BEST1: variants seen among roughly 807,000 people sequenced by gnomAD.
BEST1 encodes bestrophin-1.
In BEST1, 58 loss-of-function variants were observed where a neutral mutation model predicts 63.3. The observed-to-expected ratio is 0.92, with a 90% CI of 0.74 to 1.14. The LOEUF is 1.14. BEST1 is among the 50% of genes most tolerant of loss of function. The pLI is 0.00. For synonymous variants in BEST1, 283 were observed against 291.6 expected, an observed-to-expected ratio of 0.97 and a Z score of 0.30; for missense variants, 671 against 740.1, an observed-to-expected ratio of 0.91 and a Z score of 1.08.
intron 3 of BEST1, 160 bp from the exon 4 acceptor site, chr11:61,955,557 GC>G: frequency 9.9e-7 from 1 of 1,013,318 alleles, no homozygotes; most frequent in Non-Finnish European, 1.4e-6. Flanking sequence ...TCCATGCGAG[GC>G]TCTGCCTGCC....
At chr11:61,959,165 A>G (rs1941760744) in intron 7 of BEST1, 1 of 394,112 alleles carries the variant, frequency 2.5e-6, no homozygotes, top group African/African-American at 2.1e-5. Flanking sequence ...GCTTCAGTAT[A>G]TATCTCTGTT....
Position 61,959,876 on chromosome 11 carries a change from T to A in BEST1, c.949-16T>A. ...GATGATCTTTCTGTGGGACTTCTTC[T>A]GTCCCTGGTGACCAGGTGTCCCTGT... is the stretch of plus-strand genomic sequence containing the variant. On this transcript the variant is annotated splice_polypyrimidine_tract_variant and intron_variant, in intron 8 of 10. Coordinates refer to ENST00000378043, the MANE Select transcript of BEST1 (RefSeq NM_004183.4). The A allele has an allele frequency of 6.2e-7, 1 of 1,613,624 alleles. No homozygotes were observed. The highest frequency in any genetic ancestry group is 8.5e-7 in the Non-Finnish European group (1 of 1,179,792).
chr11:61,959,372 T>C, intron 7 of BEST1, 126 bp from the exon 8 acceptor site: 1 of 908,570 alleles, frequency 1.1e-6, no homozygotes, highest in Non-Finnish European at 1.8e-6. Context: ...ACTCTGCCTT[T>C]GAAGACAGTG....
intron 7 of BEST1, chr11:61,958,803 C>T (rs1941686039): frequency 6.1e-6 from 2 of 329,326 alleles, no homozygotes; most frequent in Admixed American, 4.5e-5. Context: ...CACTCTCTCT[C>T]CCTTCCTACC....
intron 3 of BEST1, chr11:61,955,478 G>A: frequency 8.1e-7 from 1 of 1,237,160 alleles, no homozygotes; most frequent in Non-Finnish European, 1.1e-6. Flanking sequence ...GGGAGGGGAG[G>A]GGGTCTGGCG....
chr11:61,964,458 C>T lies in BEST1; in HGVS notation c.*336C>T, dbSNP rs1352812155. Reference sequence around the variant, plus strand: ...AATGAGTTTAATAAATACAAATACTCGTTTCTTTTTGATTAGTGTGATTAG... The same window carrying T: ...AATGAGTTTAATAAATACAAATACTTGTTTCTTTTTGATTAGTGTGATTAG... On this transcript the variant is annotated 3_prime_UTR_variant, in exon 11 of 11. Coordinates refer to ENST00000378043, the MANE Select transcript of BEST1 (RefSeq NM_004183.4). 8.2e-6 allele frequency: 5 copies of T among 612,536 alleles called. No individual in the cohort carries two copies. The highest frequency in any genetic ancestry group is 2.8e-5 in the East Asian group (1 of 35,568). The allele number at this position is 612,536 out of a possible 1,614,324, so 37.9% of individuals were successfully genotyped here.
chr11:61,955,128 A>G lies in BEST1; in HGVS notation c.174A>G (p.Gln58=). The change falls in exon 3 of 11, where the codon CAA becomes CAG. Residue 58 remains glutamine (Q), a synonymous_variant. Coordinates refer to ENST00000378043, the MANE Select transcript of BEST1 (RefSeq NM_004183.4). Reference sequence around the variant, plus strand: ...CCAGGCTGGCCCTCACGGAAGAACAACAGCTGATGTTTGAGAAACTGACTC... The same window carrying G: ...CCAGGCTGGCCCTCACGGAAGAACAGCAGCTGATGTTTGAGAAACTGACTC... ...FIYRLALTEE[Q]QLMFEKLTLY... 6.2e-7 allele frequency: 1 copy of G among 1,614,144 alleles called. No individual in the cohort carries two copies. The highest frequency in any genetic ancestry group is 8.5e-7 in the Non-Finnish European group (1 of 1,180,000).
chr11:61,958,415 C>G (rs1404176386), intron 7 of BEST1, 117 bp downstream of exon 7: 2 of 1,567,348 alleles, frequency 1.3e-6, no homozygotes, highest in Non-Finnish European at 1.7e-6. Flanking sequence ...TAGAAAGCAG[C>G]CAGGCGTGGT....
At chr11:61,957,309 C>T (rs1941477903) in intron 5 of BEST1, 78 bp from the exon 6 acceptor site, 1 of 1,335,528 alleles carries the variant, frequency 7.5e-7, no homozygotes, top group Admixed American at 1.7e-5. Context: ...GGCCCTGGTA[C>T]CTGGAGAAGA....
At chr11:61,950,243 T>C (rs972353), upstream of BEST1, 74,966 of 152,722 alleles carry the variant, frequency 0.49, 21,361 homozygotes, top group East Asian at 0.9. Flanking sequence ...AAGAAGGGAC[T>C]AAGACAAGGA....
chr11:61,963,258 G>A (rs577318374), intron 10 of BEST1: 23 of 1,376,234 alleles, frequency 1.7e-5, no homozygotes, highest in Middle Eastern at 2.4e-4. Context: ...AAGGGTGGCT[G>A]ACCCAAAACC....
At chr11:61,957,141 G>A (rs1941462258) in intron 5 of BEST1, 143 bp downstream of exon 5, 10 of 1,282,156 alleles carry the variant, frequency 7.8e-6, no homozygotes, top group Non-Finnish European at 1.1e-5. Flanking sequence ...TTTTCCAACA[G>A]CAATCCACAG....
chr11:61,965,339 A>T, downstream of BEST1: 1 of 1,612,506 alleles, frequency 6.2e-7, no homozygotes, highest in East Asian at 2.2e-5. Flanking sequence ...CAGATGATGA[A>T]GTATGACACC....
chr11:61,955,871 TG>T lies in BEST1; in HGVS notation c.404del (p.Gly135AlafsTer29). On this transcript the variant is annotated frameshift_variant, in exon 4 of 11. Coordinates refer to ENST00000378043, the MANE Select transcript of BEST1 (RefSeq NM_004183.4). LOFTEE classifies it high-confidence loss of function. ...CGCACGCTCATCCGCTACGCCAACCTGGGCAACGTGCTCATCCTGCGCAGCG... is the reference window on the plus strand; with the variant it reads ...CGCACGCTCATCCGCTACGCCAACCTGGCAACGTGCTCATCCTGCGCAGCG... ...LRRTLIRYANLGNVLILRSVS... is the reference protein window; with the variant it reads ...LRRTLIRYANXGNVLILRSVS... The T allele has an allele frequency of 6.4e-7, 1 of 1,550,600 alleles. No individual in the cohort carries two copies. The highest frequency in any genetic ancestry group is 8.7e-7 in the Non-Finnish European group (1 of 1,146,908).
chr11:61,960,219 T>A, intron 9 of BEST1, 176 bp downstream of exon 9: 1 of 903,766 alleles, frequency 1.1e-6, no homozygotes, highest in Non-Finnish European at 1.7e-6. Flanking sequence ...TGGTTTGTTA[T>A]CCCAAGTTTT....
Position 61,963,211 on chromosome 11 carries a change from G to A in BEST1, c.1739+318G>A, listed in dbSNP as rs1046729816. ...CAGGGCTGACAGGCCAGGCTTAGCTGAGCAGATGTTATCACTGGCCCCAAC... is the reference window on the plus strand; with the variant it reads ...CAGGGCTGACAGGCCAGGCTTAGCTAAGCAGATGTTATCACTGGCCCCAAC... On this transcript the variant is annotated intron_variant, in intron 10 of 10. Transcript: ENST00000378043. 2.8e-5 allele frequency: 40 copies of A among 1,415,320 alleles called. No homozygotes were observed. In the African/African-American group the frequency reaches 4.9e-4, roughly 17 times the overall value. The allele number at this position is 1,415,320 out of a possible 1,614,324, so 87.7% of individuals were successfully genotyped here.
At chr11:61,961,202 G>C (rs1187461300) in intron 9 of BEST1, 1 of 152,060 alleles carries the variant, frequency 6.6e-6, no homozygotes, top group Non-Finnish European at 1.5e-5. Flanking sequence ...ATTTTTAGTA[G>C]AGACAGTTTC....
At chr11:61,963,587 T>A (rs1565046110) in intron 10 of BEST1, 1 of 1,025,106 alleles carries the variant, frequency 9.8e-7, no homozygotes, top group East Asian at 8.9e-5. Context: ...AAGTGTAACT[T>A]CCCTTTTCTG....
At chr11:61,952,945 T>C (rs187674972) in intron 2 of BEST1, among the ~76,000 whole-genome samples, 1 of 151,452 alleles carries the variant, frequency 6.6e-6, no homozygotes, top group African/African-American at 2.4e-5. Flanking sequence ...CTACCAAAAA[T>C]TTAAAAAATT....
Sources: allele counts gnomAD v4.1 joint callset (sites outside exome capture counted in the v4.1 genomes callset), GRCh38; gene constraint gnomAD v4.1.1; transcripts MANE v1.5; gene names NCBI Gene and HGNC (gene_info 2026-07-23, HGNC 2026-07-21).